KLHL1: variants seen among roughly 807,000 people sequenced by gnomAD.
KLHL1 encodes the protein kelch-like protein 1.
In KLHL1, 47 loss-of-function variants were observed where a neutral mutation model predicts 77.7. That is an observed-to-expected ratio of 0.60 (90% CI 0.48 to 0.77). The LOEUF (loss-of-function observed/expected upper bound fraction) is 0.77, where lower values mean the gene tolerates loss of function less well. KLHL1 is among the 30% of genes least tolerant of loss of function. The pLI, the probability that KLHL1 is intolerant of heterozygous loss-of-function variation, is 0.00. For missense variants in KLHL1, 925 were observed against 910.8 expected (o/e 1.02, Z -0.20); for synonymous variants, 360 against 325.2 (o/e 1.11, Z -1.15).
chr13:70,060,538 C>A (rs565911033), intron 1 of KLHL1, among the ~76,000 whole-genome samples: 7 of 147,952 alleles, frequency 4.7e-5, no homozygotes, highest in South Asian at 2.1e-4. Flanking sequence ...GACAAATAGA[C>A]AAAAAAAAAA....
chr13:69,988,663 G>A (rs1381411315), intron 1 of KLHL1, among the ~76,000 whole-genome samples: 5 of 152,196 alleles, frequency 3.3e-5, no homozygotes, highest in African/African-American at 4.8e-5. Context: ...TCTGACTGGT[G>A]TGAGATAATA....
intron 3 of KLHL1, among the ~76,000 whole-genome samples, chr13:69,949,165 T>C (rs1883625132): frequency 6.6e-6 from 1 of 151,940 alleles, no homozygotes; most frequent in Non-Finnish European, 1.5e-5. Flanking sequence ...ACATTATTAT[T>C]AACTAAAATG....
In KLHL1 at chr13:70,058,396, C is replaced by A. The variant is rs548824547; in HGVS notation, c.497+48807G>T. ...TCAGTAAAGTTATAGGATACAAAAT[C>A]AGCATACAAAAATCACTAGCATTTA... is the stretch of plus-strand genomic sequence containing the variant. On this transcript the variant is annotated intron_variant, in intron 1 of 10. Transcript: ENST00000377844. Among the ~76,000 whole-genome samples, 16 of 152,200 alleles carry A rather than the reference C, an allele frequency of 1.1e-4. No homozygotes were observed. In the East Asian group the frequency reaches 3.1e-3, roughly 29 times the overall value.
At chr13:69,753,252 A>T (rs754340781) in intron 7 of KLHL1, among the ~76,000 whole-genome samples, 17 of 152,186 alleles carry the variant, frequency 1.1e-4, no homozygotes, top group Non-Finnish European at 1.9e-4. Flanking sequence ...AAAAGGCTGT[A>T]AAAAAGGCTG....
At chr13:69,996,161 C>T (rs1490905802) in intron 1 of KLHL1, among the ~76,000 whole-genome samples, 5 of 151,722 alleles carry the variant, frequency 3.3e-5, no homozygotes, top group Non-Finnish European at 5.9e-5. Flanking sequence ...AAATTAGCTG[C>T]GCATGGTAGC....
intron 5 of KLHL1, among the ~76,000 whole-genome samples, chr13:69,857,849 A>T (rs1879981310): frequency 6.6e-6 from 1 of 151,460 alleles, no homozygotes; most frequent in Admixed American, 6.6e-5. Context: ...AGTATAATAT[A>T]AAAATATATA....
chr13:69,737,437 G>A (rs979017045), intron 8 of KLHL1, among the ~76,000 whole-genome samples: 2 of 152,252 alleles, frequency 1.3e-5, no homozygotes, highest in African/African-American at 4.8e-5. Context: ...GTAATGGCTT[G>A]GAATCTCTGG....
At chr13:70,016,447 T>G (rs1375222798) in intron 1 of KLHL1, among the ~76,000 whole-genome samples, 1 of 152,230 alleles carries the variant, frequency 6.6e-6, no homozygotes, top group Admixed American at 6.5e-5. Flanking sequence ...CGTAAGTGCC[T>G]GCTCTAGCTC....
intron 1 of KLHL1, among the ~76,000 whole-genome samples, chr13:70,043,314 G>A (rs1197974986): frequency 6.6e-6 from 1 of 152,096 alleles, no homozygotes; most frequent in Non-Finnish European, 1.5e-5. Flanking sequence ...TGAACAATGT[G>A]TATTTTAAGC....
intron 5 of KLHL1, among the ~76,000 whole-genome samples, chr13:69,878,707 TATATAGAG>T (rs1335138190): frequency 1.3e-3 from 194 of 149,934 alleles, no homozygotes; most frequent in African/African-American, 4.6e-3. Context: ...CATATATATA[TATATAGAG>T]AGAGAGAGAG....
At chr13:69,972,702 A>G (rs902177961) in intron 2 of KLHL1, among the ~76,000 whole-genome samples, 1 of 151,854 alleles carries the variant, frequency 6.6e-6, no homozygotes, top group Non-Finnish European at 1.5e-5. Context: ...AGATTTCCCC[A>G]TGTATGTCTG....
chr13:70,002,501 C>T (rs1885318110), intron 1 of KLHL1, among the ~76,000 whole-genome samples: 1 of 150,540 alleles, frequency 6.6e-6, no homozygotes. Context: ...CATTGTAGTC[C>T]CAGGAGGCAA....
chr13:69,974,773 T>C (rs1884494293), intron 2 of KLHL1, among the ~76,000 whole-genome samples: 1 of 152,070 alleles, frequency 6.6e-6, no homozygotes. Context: ...AGATGCTAGC[T>C]CAGGATAATT....
At chr13:69,989,448 TC>T (rs1440843942) in intron 1 of KLHL1, among the ~76,000 whole-genome samples, 2 of 152,080 alleles carry the variant, frequency 1.3e-5, no homozygotes, top group African/African-American at 4.8e-5. Context: ...GTATTCAGGC[TC>T]CTTGGTTCCA....
At chr13:69,980,678 T>G (rs1489209608) in intron 1 of KLHL1, among the ~76,000 whole-genome samples, 1 of 152,118 alleles carries the variant, frequency 6.6e-6, no homozygotes, top group African/African-American at 2.4e-5. Context: ...AATTGTTTTT[T>G]ATTTTTACTT....
chr13:69,739,449 C>T lies in KLHL1; in HGVS notation c.1802+945G>A, dbSNP rs574284348. Among the ~76,000 whole-genome samples, 3 of 152,256 alleles carry T rather than the reference C, an allele frequency of 2.0e-5. No individual in the cohort carries two copies. The South Asian group carries it at 6.2e-4, about 32-fold the overall frequency. On this transcript the variant is annotated intron_variant, in intron 8 of 10. Transcript: ENST00000377844. ...GGCTAAATGCCCCAATTAAAAGACA[C>T]AGAATGGCAAGCTGGATAGAGTCAA...
intron 7 of KLHL1, among the ~76,000 whole-genome samples, chr13:69,757,911 T>G (rs1593802351): frequency 7.2e-6 from 1 of 138,344 alleles, no homozygotes; most frequent in African/African-American, 2.8e-5. Context: ...CAGCCAAGAT[T>G]GTGCCACTGC....
intron 1 of KLHL1, among the ~76,000 whole-genome samples, chr13:70,093,123 G>A (rs898987293): frequency 7.2e-5 from 11 of 151,870 alleles, no homozygotes; most frequent in Admixed American, 2.0e-4. Flanking sequence ...TATATGATGC[G>A]CTATTATGTA....
chr13:69,939,376 T>TATATATATATATAC (rs1555283253), intron 4 of KLHL1, among the ~76,000 whole-genome samples: 1 of 48,512 alleles, frequency 2.1e-5, no homozygotes, highest in South Asian at 5.4e-4. Context: ...TATATATATA[T>TATATATATATATAC]ATACACACAC....
Sources: allele counts gnomAD v4.1 joint callset (sites outside exome capture counted in the v4.1 genomes callset), GRCh38; gene constraint gnomAD v4.1.1; transcripts MANE v1.5; gene names NCBI Gene and HGNC (gene_info 2026-07-23, HGNC 2026-07-21).